The following OTUD4 variants were observed in gnomAD, a reference collection of about 807,000 sequenced individuals.
OTUD4 encodes OTU domain-containing protein 4.
A neutral mutation model predicts 130.4 loss-of-function variants in OTUD4; 24 were observed. The ratio of observed to expected loss-of-function variants is 0.18; its 90% confidence interval spans 0.13 to 0.26. OTUD4 has a LOEUF of 0.26. Among genes scored for constraint, OTUD4 ranks in the 10% least tolerant of loss-of-function variants. OTUD4 has a pLI of 1.00. For synonymous variants in OTUD4, 420 were observed against 472.5 expected (o/e 0.89, Z 1.44); for missense variants, 1,031 against 1,329.4 (o/e 0.78, Z 3.49).
chr4:145,142,952 T>C (rs1750636334), intron 17 of OTUD4, among the ~76,000 whole-genome samples: 1 of 152,224 alleles, frequency 6.6e-6, no homozygotes, highest in Admixed American at 6.5e-5. Context: ...ACCTTTTCAA[T>C]CAGTACATTC....
chr4:145,173,373 G>C (rs780947304), intron 2 of OTUD4, among the ~76,000 whole-genome samples: 25 of 151,546 alleles, frequency 1.6e-4, no homozygotes, highest in Middle Eastern at 6.8e-3. Flanking sequence ...CAGCCTGGGC[G>C]ACAGAGCGAG....
rs1488546429 is a variant in OTUD4 at position 145,159,527 on chromosome 4, G to A, written c.605C>T (p.Ser202Leu). 3.7e-6 allele frequency: 6 copies of A among 1,613,422 alleles called. No individual in the cohort carries two copies. Among genetic ancestry groups the A allele is most frequent in the Non-Finnish European group, 4.2e-6 (5 of 1,179,694 alleles). The part of the protein sequence containing the change: ...EVADEDNSEI[S>L]DSEDDSCKSK... ...CTTGCAACTGTCATCCTCTGAATCT[G>A]ATATTTCACTGTTATCTTCATCAGC... The change falls in exon 7 of 21, where the codon TCA (serine) becomes TTA (leucine). Residue 202 changes from serine to leucine, a missense_variant. Coordinates refer to ENST00000447906, the MANE Select transcript of OTUD4 (RefSeq NM_001366057.1).
chr4:145,176,451 C>T (rs1484420187), intron 1 of OTUD4, among the ~76,000 whole-genome samples: 1 of 150,294 alleles, frequency 6.7e-6, no homozygotes, highest in Non-Finnish European at 1.5e-5. Context: ...TTTGGGAGGC[C>T]GAGGAGGGTG....
intron 3 of OTUD4, among the ~76,000 whole-genome samples, chr4:145,169,244 T>C (rs961375669): frequency 2.0e-5 from 3 of 152,230 alleles, no homozygotes; most frequent in Non-Finnish European, 4.4e-5. Flanking sequence ...TTGTCAAATC[T>C]CATCAAATTG....
At chr4:145,162,424 G>A (rs1751622587) in intron 6 of OTUD4, among the ~76,000 whole-genome samples, 2 of 151,664 alleles carry the variant, frequency 1.3e-5, no homozygotes, top group African/African-American at 4.8e-5. Flanking sequence ...CGTTGTGGCG[G>A]GCGCCCGTAG....
rs1750363286 is a variant in OTUD4, at chr4:145,137,956, G to T, written c.2819C>A (p.Ser940Tyr). The T allele has an allele frequency of 1.2e-6, 2 of 1,614,074 alleles. No homozygotes were observed. The highest frequency in any genetic ancestry group is 1.7e-5 in the Admixed American group (1 of 60,010). ...CGTATCTGCCTTTCGTGTCTGGGAAGATTGCTCTGTCCGGCCTTCGTCCGG... is the reference window on the plus strand; with the variant it reads ...CGTATCTGCCTTTCGTGTCTGGGAATATTGCTCTGTCCGGCCTTCGTCCGG... ...SKPDEGRTEQSSQTRKADTAL... is the reference protein window; with the variant it reads ...SKPDEGRTEQYSQTRKADTAL... Residue 940 changes from serine (S) to tyrosine (Y), a missense_variant, in exon 21 of 21, where the codon TCT (serine) becomes TAT (tyrosine). By Grantham distance (144) the Ser-to-Tyr change is moderately radical (BLOSUM62 -2). Transcript: ENST00000447906.
intron 6 of OTUD4, 59 bp downstream of exon 6, chr4:145,162,581 A>G: frequency 1.1e-6 from 1 of 918,866 alleles, no homozygotes; most frequent in Non-Finnish European, 1.7e-6. Context: ...AACAAAAAAC[A>G]AAAAGACTGT....
At chr4:145,165,279 C>G (rs1329332787) in intron 3 of OTUD4, 82 bp from the exon 4 acceptor site, 11 of 827,726 alleles carry the variant, frequency 1.3e-5, no homozygotes, top group Admixed American at 1.0e-4. Context: ...TACCTTCATA[C>G]AGCATACGTA....
chr4:145,165,744 G>T (rs1194743764), intron 3 of OTUD4, among the ~76,000 whole-genome samples: 1 of 152,056 alleles, frequency 6.6e-6, no homozygotes, highest in African/African-American at 2.4e-5. Flanking sequence ...CCAAAGTGCT[G>T]GGATTACAAG....
intron 3 of OTUD4, among the ~76,000 whole-genome samples, chr4:145,167,055 T>C (rs1430385020): frequency 6.6e-6 from 1 of 152,150 alleles, no homozygotes; most frequent in Non-Finnish European, 1.5e-5. Context: ...ACATCCTAAA[T>C]TGACAATAGA....
Position 145,146,500 on chromosome 4 carries a change from TC to T in OTUD4, c.1260-72del. 5.6e-6 allele frequency: 5 copies of T among 888,814 alleles called. No homozygotes were observed. In the South Asian group the frequency reaches 1.0e-4, roughly 18 times the overall value. The allele number at this position is 888,814 out of a possible 1,614,324, so 55.1% of individuals were successfully genotyped here. Reference sequence around the variant, plus strand: ...TAAATAAATAAATAAAACATTCTTGTCAAAAAAAAAAAACACAAAACTGTAC... The same window carrying T: ...TAAATAAATAAATAAAACATTCTTGTAAAAAAAAAAAACACAAAACTGTAC... On this transcript the variant is annotated intron_variant, in intron 13 of 20. Coordinates refer to ENST00000447906, the MANE Select transcript of OTUD4 (RefSeq NM_001366057.1).
chr4:145,143,235 C>G, intron 17 of OTUD4, 130 bp downstream of exon 17: 1 of 536,868 alleles, frequency 1.9e-6, no homozygotes, highest in Non-Finnish European at 3.3e-6. Flanking sequence ...TAACCACAGC[C>G]AAACTGTGAT....
intron 1 of OTUD4, among the ~76,000 whole-genome samples, chr4:145,179,001 T>C (rs1353549660): frequency 1.3e-5 from 2 of 151,990 alleles, no homozygotes; most frequent in Non-Finnish European, 2.9e-5. Flanking sequence ...TTTTTCAATA[T>C]AGGATGGGTT....
chr4:145,138,044 C>G lies in OTUD4; in HGVS notation c.2731G>C (p.Glu911Gln). Reference protein sequence around the residue: ...KDCGSVSTVDEFPEARGEHVH... With the variant: ...KDCGSVSTVDQFPEARGEHVH... ...TGTTCACCCCTGGCTTCTGGAAACT[C>G]ATCTACTGTTGAAACTGAACCACAA... Residue 911 changes from glutamate (E) to glutamine (Q), a missense_variant, in exon 21 of 21, where the codon GAG becomes CAG. Physicochemically the swap from Glu to Gln is conservative, Grantham distance 29 (BLOSUM62 2). This residue lies in a region of OTUD4 where 900 missense variants were observed against 1,095.9 expected (regional missense o/e 0.82). Transcript: ENST00000447906. 6.2e-7 allele frequency: 1 copy of G among 1,614,192 alleles called. No individual in the cohort carries two copies. Among genetic ancestry groups the G allele is most frequent in the Non-Finnish European group, 8.5e-7 (1 of 1,180,040 alleles).
rs541625760 is a variant in OTUD4, at chr4:145,135,710, A to G, written c.*1720T>C. ...TCTTTACAATTTTTTACCTAGCACC[A>G]TCATAATAAAATGTTATCTTTCAAA... On this transcript the variant is annotated 3_prime_UTR_variant, in exon 21 of 21. Coordinates refer to ENST00000447906, the MANE Select transcript of OTUD4 (RefSeq NM_001366057.1). 2.7e-4 allele frequency: 41 copies of G among 152,786 alleles called. 1 individual carries two copies. The highest frequency in any genetic ancestry group is 2.3e-3 in the Admixed American group (35 of 15,298). 9.5% of individuals were successfully genotyped at this position (152,786 alleles called of 1,614,324 possible). A position where few individuals can be genotyped will look rare whatever the true frequency, so the allele number is the denominator to read the frequency against.
intron 10 of OTUD4, among the ~76,000 whole-genome samples, chr4:145,154,863 G>T (rs533369442): frequency 2.7e-4 from 41 of 152,188 alleles, no homozygotes; most frequent in African/African-American, 9.6e-4. Flanking sequence ...GGGGCAGAGT[G>T]AGGGTTAACC....
At chr4:145,153,724 T>C (rs945531362) in intron 10 of OTUD4, among the ~76,000 whole-genome samples, 2 of 152,198 alleles carry the variant, frequency 1.3e-5, no homozygotes, top group Admixed American at 6.5e-5. Context: ...AAGTACAACA[T>C]ACAGGACAAT....
In OTUD4 at chr4:145,138,053, T is replaced by C. The variant is rs771972565; in HGVS notation, c.2722A>G (p.Thr908Ala). The C allele has an allele frequency of 6.2e-7, 1 of 1,614,192 alleles. No homozygotes were observed. The highest frequency in any genetic ancestry group is 8.5e-7 in the Non-Finnish European group (1 of 1,180,048). The change falls in exon 21 of 21, where the codon ACA (threonine) becomes GCA (alanine). Residue 908 changes from threonine to alanine, a missense_variant. This residue lies in a region of OTUD4 where 900 missense variants were observed against 1,095.9 expected (regional missense o/e 0.82). Transcript: ENST00000447906. The part of the protein sequence containing the change: ...DLSKDCGSVS[T>A]VDEFPEARGE... ...CTGGCTTCTGGAAACTCATCTACTG[T>C]TGAAACTGAACCACAATCTTTAGAC... is the stretch of plus-strand genomic sequence containing the variant.
intron 6 of OTUD4, among the ~76,000 whole-genome samples, chr4:145,159,891 A>G (rs1159068406): frequency 6.6e-6 from 1 of 152,258 alleles, no homozygotes. Context: ...CACCATCACA[A>G]AAAGGTATCA....
Sources: allele counts gnomAD v4.1 joint callset (sites outside exome capture counted in the v4.1 genomes callset), GRCh38; gene constraint gnomAD v4.1.1; regional missense constraint gnomAD v4.1.1; transcripts MANE v1.5; gene names NCBI Gene and HGNC (gene_info 2026-07-23, HGNC 2026-07-21).